LPP: variants seen among roughly 807,000 people sequenced by gnomAD.
LPP encodes the protein LIM domain containing preferred translocation partner in lipoma.
Under a neutral mutation model 60.4 loss-of-function variants are expected in LPP, and 38 were observed. The ratio of observed to expected loss-of-function variants is 0.63; its 90% CI spans 0.49 to 0.83. The LOEUF (loss-of-function observed/expected upper bound fraction) is 0.83, where lower values mean the gene tolerates loss of function less well. Among genes scored for constraint, LPP ranks in the 40% least tolerant of loss-of-function variants. The pLI, the probability that LPP is intolerant of heterozygous loss-of-function variation, is 0.00. For missense variants in LPP, 902 were observed against 783.6 expected (o/e 1.15, Z -1.80); for synonymous variants, 328 against 290.8 (o/e 1.13, Z -1.30).
intron 2 of LPP, among the ~76,000 whole-genome samples, chr3:188,299,286 C>A (rs570511838): frequency 9.9e-5 from 15 of 152,106 alleles, no homozygotes; most frequent in Non-Finnish European, 1.8e-4. Flanking sequence ...CTGGGGAGCA[C>A]GTCGTCAGTA....
intron 2 of LPP, among the ~76,000 whole-genome samples, chr3:188,314,564 T>C (rs1221238536): frequency 6.6e-6 from 1 of 151,902 alleles, no homozygotes; most frequent in Non-Finnish European, 1.5e-5. Flanking sequence ...TGATCTGTGC[T>C]TCAATTTTCA....
At chr3:188,748,868 G>A (rs1727155952) in intron 8 of LPP, among the ~76,000 whole-genome samples, 1 of 152,080 alleles carries the variant, frequency 6.6e-6, no homozygotes, top group South Asian at 2.1e-4. Flanking sequence ...TAATACCAAC[G>A]TATAAAGCAA....
chr3:188,540,673 T>A (rs1041719837), intron 6 of LPP, among the ~76,000 whole-genome samples: 3 of 152,160 alleles, frequency 2.0e-5, no homozygotes, highest in African/African-American at 7.2e-5. Flanking sequence ...ACTAAATGAG[T>A]TTCCATGTAT....
chr3:188,645,675 A>C (rs1850979929), intron 7 of LPP, among the ~76,000 whole-genome samples: 1 of 152,118 alleles, frequency 6.6e-6, no homozygotes, highest in Admixed American at 6.5e-5. Context: ...AGATAAACCT[A>C]CTGAGCCCTT....
chr3:188,761,468 C>A (rs996645220), intron 9 of LPP, among the ~76,000 whole-genome samples: 1 of 152,080 alleles, frequency 6.6e-6, no homozygotes, highest in African/African-American at 2.4e-5. Flanking sequence ...TCATTTCTTT[C>A]CAAAGGTAGC....
chr3:188,657,274 A>ATATATATATATATATATATATATATC (rs1853483450), intron 7 of LPP, among the ~76,000 whole-genome samples: 1 of 144,382 alleles, frequency 6.9e-6, no homozygotes, highest in Non-Finnish European at 1.5e-5. Flanking sequence ...ATATATATAT[A>ATATATATATATATATATATATATATC]TATATATTTC....
chr3:188,154,206 G>GCCA lies in LPP; in HGVS notation c.-234_-233insACC. On this transcript the variant is annotated 5_prime_UTR_variant, in exon 1 of 12. Coordinates refer to ENST00000617246, the MANE Select transcript of LPP (RefSeq NM_001375462.1). ...GCCTCCAGCCGCCGCCGCCGCCGCCGCCGCCGCCACCACCACCGCCGCTGC... is the reference window on the plus strand; with the variant it reads ...GCCTCCAGCCGCCGCCGCCGCCGCCGCCACCGCCGCCACCACCACCGCCGCTGC... 3 of 222,808 alleles carry GCCA rather than the reference G, an allele frequency of 1.3e-5. No homozygotes were observed. The highest frequency in any genetic ancestry group is 1.7e-5 in the Non-Finnish European group (2 of 115,312). The allele number at this position is 222,808 out of a possible 1,614,324, so 13.8% of individuals were successfully genotyped here. A position where few individuals can be genotyped will look rare whatever the true frequency, so the allele number is the denominator to read the frequency against.
At chr3:188,402,034 G>A (rs1175373736) in intron 3 of LPP, among the ~76,000 whole-genome samples, 1 of 152,088 alleles carries the variant, frequency 6.6e-6, no homozygotes, top group Non-Finnish European at 1.5e-5. Context: ...ACTGCAAAAT[G>A]ACCTCAGAAT....
rs936432208 is a variant in LPP, at chr3:188,880,369, G to A, written c.*5890G>A. 3.8e-5 allele frequency: 7 copies of A among 183,316 alleles called. No individual in the cohort carries two copies. The East Asian group carries it at 4.4e-4, about 12-fold the overall frequency. 11.4% of individuals were successfully genotyped at this position (183,316 alleles called of 1,614,324 possible). A position where few individuals can be genotyped will look rare whatever the true frequency, so the allele number is the denominator to read the frequency against. On this transcript the variant is annotated 3_prime_UTR_variant, in exon 12 of 12. Transcript: ENST00000617246. ...AGCTGATTGACAGGTCCCCTTCAAA[G>A]TTACAAAAAAAAGTGCTAATTTTTG...
At chr3:188,393,579 G>C (rs1361886619) in intron 3 of LPP, among the ~76,000 whole-genome samples, 2 of 152,060 alleles carry the variant, frequency 1.3e-5, no homozygotes, top group Non-Finnish European at 2.9e-5. Flanking sequence ...TTGCAAAGGG[G>C]CACTGTTAAT....
At chr3:188,242,043 CT>C (rs1311321677) in intron 2 of LPP, among the ~76,000 whole-genome samples, 1 of 151,954 alleles carries the variant, frequency 6.6e-6, no homozygotes, top group East Asian at 1.9e-4. Context: ...GGATGATGTG[CT>C]TTTTTTGGGC....
chr3:188,243,290 TC>T (rs1044108641), intron 2 of LPP, among the ~76,000 whole-genome samples: 27 of 152,148 alleles, frequency 1.8e-4, no homozygotes, highest in African/African-American at 5.8e-4. Context: ...TTTCTACCGT[TC>T]CCCCTACCCC....
chr3:188,776,680 T>G (rs551139898), intron 9 of LPP, among the ~76,000 whole-genome samples: 1 of 152,208 alleles, frequency 6.6e-6, no homozygotes, highest in African/African-American at 2.4e-5. Context: ...AGGTGAATAC[T>G]TAAAAGCTAT....
chr3:188,314,976 A>G (rs550477799), intron 2 of LPP, among the ~76,000 whole-genome samples: 51 of 151,802 alleles, frequency 3.4e-4, no homozygotes, highest in Non-Finnish European at 6.3e-4. Context: ...CGGAGTGAAG[A>G]AAGTTATTTC....
At chr3:188,525,353 T>G (rs917631544) in intron 6 of LPP, among the ~76,000 whole-genome samples, 7 of 152,228 alleles carry the variant, frequency 4.6e-5, no homozygotes, top group African/African-American at 1.7e-4. Context: ...TGGCAGAAAT[T>G]TCTTAAATTG....
chr3:188,727,002 A>G (rs1329736512), intron 8 of LPP, among the ~76,000 whole-genome samples: 1 of 152,156 alleles, frequency 6.6e-6, no homozygotes, highest in East Asian at 1.9e-4. Flanking sequence ...TAGGCAGAAA[A>G]ACCTTCAGCC....
intron 7 of LPP, among the ~76,000 whole-genome samples, chr3:188,629,861 A>G (rs187186431): frequency 2.0e-5 from 3 of 152,302 alleles, no homozygotes. Context: ...CTAAAACTTC[A>G]TGGTACTGGG....
intron 2 of LPP, among the ~76,000 whole-genome samples, chr3:188,330,914 G>T (rs1305081117): frequency 6.6e-6 from 1 of 152,002 alleles, no homozygotes; most frequent in African/African-American, 2.4e-5. Context: ...CTAGGCCTTG[G>T]TGACTTACTC....
At chr3:188,296,261 T>G (rs1747844262) in intron 2 of LPP, among the ~76,000 whole-genome samples, 1 of 152,140 alleles carries the variant, frequency 6.6e-6, no homozygotes, top group African/African-American at 2.4e-5. Context: ...AGATTTGACT[T>G]AAAAATGTCT....
Sources: allele counts gnomAD v4.1 joint callset (sites outside exome capture counted in the v4.1 genomes callset), GRCh38; gene constraint gnomAD v4.1.1; transcripts MANE v1.5; gene names NCBI Gene and HGNC (gene_info 2026-07-23, HGNC 2026-07-21).